Variants in TEX11 observed in about 807,000 individuals in gnomAD.
TEX11 encodes testis expressed 11.
A neutral mutation model predicts 84.4 loss-of-function variants in TEX11; 7 were observed. The ratio of observed to expected loss-of-function variants is 0.08; its 90% CI spans 0.05 to 0.16. The LOEUF is 0.16. TEX11 is among the 10% of genes least tolerant of loss of function. TEX11 has a pLI of 1.00. For synonymous variants in TEX11, 264 were observed against 222.8 expected, an observed-to-expected ratio of 1.18 and a Z score of -1.64; for missense variants, 551 against 660.5, an observed-to-expected ratio of 0.83 and a Z score of 1.82.
intron 8 of TEX11, among the ~76,000 whole-genome samples, chrX:70,815,279 A>C (rs1442416051): frequency 5.4e-5 from 6 of 112,056 alleles, no homozygotes; most frequent in Non-Finnish European, 9.4e-5. Flanking sequence ...AAATGTTCAA[A>C]ATATAAGAAT....
chrX:70,594,485 A>C (rs2088977905), intron 24 of TEX11, among the ~76,000 whole-genome samples: 1 of 111,547 alleles, frequency 9.0e-6, no homozygotes, highest in Admixed American at 9.6e-5. Flanking sequence ...TGTTTTAAAA[A>C]AACAATATAT....
intron 9 of TEX11, among the ~76,000 whole-genome samples, chrX:70,749,414 T>C (rs2090795150): frequency 9.0e-6 from 1 of 110,948 alleles, no homozygotes; most frequent in African/African-American, 3.3e-5. Flanking sequence ...ACCTTTTATT[T>C]CCTTCTCCTG....
At chrX:70,574,352 CT>C (rs2088645174) in intron 25 of TEX11, among the ~76,000 whole-genome samples, 1 of 111,649 alleles carries the variant, frequency 9.0e-6, no homozygotes, top group Non-Finnish European at 1.9e-5. Flanking sequence ...GCAAAGTCAT[CT>C]TTGGTACAAA....
chrX:70,901,616 G>A (rs889724477), intron 2 of TEX11, among the ~76,000 whole-genome samples: 2 of 112,047 alleles, frequency 1.8e-5, no homozygotes, highest in Non-Finnish European at 3.8e-5. Flanking sequence ...GCTCCTGTGA[G>A]AATCTAATGC....
intron 9 of TEX11, among the ~76,000 whole-genome samples, chrX:70,764,459 G>C (rs190851070): frequency 2.2e-4 from 24 of 111,044 alleles, no homozygotes; most frequent in Middle Eastern, 4.6e-3. Flanking sequence ...ATTAGCAGAA[G>C]AAAAGAAATA....
intron 11 of TEX11, among the ~76,000 whole-genome samples, chrX:70,730,773 G>C (rs1395841837): frequency 1.8e-5 from 2 of 111,480 alleles, no homozygotes; most frequent in Non-Finnish European, 3.8e-5. Context: ...GGATATCCAG[G>C]AACTGAACTC....
the TEX11 span, among the ~76,000 whole-genome samples, chrX:70,514,214 G>A: frequency 4.6e-5 from 5 of 109,660 alleles, no homozygotes; most frequent in African/African-American, 1.7e-4. Flanking sequence ...CTAAGAAGGC[G>A]TCCTTTAGAA....
chrX:70,567,654 T>C (rs369897701), intron 25 of TEX11, among the ~76,000 whole-genome samples: 2 of 111,671 alleles, frequency 1.8e-5, no homozygotes, highest in South Asian at 7.7e-4. Context: ...GCCTTCGTTT[T>C]GTTATGTACC....
chrX:70,828,942 C>T, intron 8 of TEX11, among the ~76,000 whole-genome samples: 1 of 111,321 alleles, frequency 9.0e-6, no homozygotes, highest in Non-Finnish European at 1.9e-5. Context: ...AGAGGCATGA[C>T]ATATTTAAAG....
intron 9 of TEX11, among the ~76,000 whole-genome samples, chrX:70,757,548 A>G (rs886652567): frequency 8.9e-6 from 1 of 111,805 alleles, no homozygotes; most frequent in African/African-American, 3.3e-5. Context: ...GAGAAATAAA[A>G]TCTTTTACAG....
chrX:70,824,015 A>G (rs2091332051), intron 8 of TEX11, among the ~76,000 whole-genome samples: 4 of 111,430 alleles, frequency 3.6e-5, no homozygotes. Flanking sequence ...GTGAGATTCC[A>G]TCTCAAAAAA....
intron 8 of TEX11, among the ~76,000 whole-genome samples, chrX:70,812,821 C>G (rs1370425022): frequency 8.9e-6 from 1 of 111,781 alleles, no homozygotes; most frequent in Non-Finnish European, 1.9e-5. Context: ...ATAAATACCT[C>G]TACGCAAATA....
chrX:70,520,939 G>A, the TEX11 span, among the ~76,000 whole-genome samples: 3 of 112,387 alleles, frequency 2.7e-5, no homozygotes, highest in Non-Finnish European at 3.8e-5. Context: ...GGGACCTGCC[G>A]AGCCAGGCAC....
intron 9 of TEX11, among the ~76,000 whole-genome samples, chrX:70,775,050 A>G (rs1467252883): frequency 8.9e-6 from 1 of 112,009 alleles, no homozygotes; most frequent in East Asian, 2.8e-4. Flanking sequence ...AACTCCACAT[A>G]TTTACAGCCA....
At chrX:70,866,931 A>C (rs2091602608) in intron 4 of TEX11, among the ~76,000 whole-genome samples, 1 of 112,114 alleles carries the variant, frequency 8.9e-6, no homozygotes, top group Non-Finnish European at 1.9e-5. Context: ...GAATGGGCAA[A>C]AGCTGGAAGC....
intron 9 of TEX11, among the ~76,000 whole-genome samples, chrX:70,763,708 G>A (rs1326482770): frequency 9.0e-6 from 1 of 111,184 alleles, no homozygotes; most frequent in African/African-American, 3.3e-5. Flanking sequence ...CACAAAATAG[G>A]TGTCAAGACA....
intron 9 of TEX11, among the ~76,000 whole-genome samples, chrX:70,792,820 G>A (rs1028414357): frequency 5.4e-5 from 6 of 110,622 alleles, no homozygotes; most frequent in African/African-American, 1.6e-4. Flanking sequence ...AGACTCCTCC[G>A]TAATTCATTC....
At chrX:70,551,213 T>C (rs2088208985) in intron 28 of TEX11, among the ~76,000 whole-genome samples, 1 of 109,920 alleles carries the variant, frequency 9.1e-6, no homozygotes, top group African/African-American at 3.3e-5. Context: ...TTAAAATAAT[T>C]GAACTGCTGG....
chrX:70,566,800 G>T (rs1396491602), intron 25 of TEX11, among the ~76,000 whole-genome samples: 1 of 111,674 alleles, frequency 9.0e-6, no homozygotes, highest in Non-Finnish European at 1.9e-5. Context: ...ACTGGATTCG[G>T]ATTGCCAGTA....
Sources: gnomAD v4.1 joint callset for allele counts (sites outside exome capture counted in the v4.1 genomes callset) on GRCh38, gnomAD v4.1.1 for gene constraint, MANE v1.5 for transcripts, NCBI Gene and HGNC (gene_info 2026-07-23, HGNC 2026-07-21) for gene names.